The following GLIS1 variants were observed in gnomAD, a reference collection of about 807,000 sequenced individuals.
The protein encoded by GLIS1 is GLIS family zinc finger 1, also known as zinc finger protein GLIS1.
A neutral mutation model predicts 63.8 loss-of-function variants in GLIS1; 24 were observed. The observed-to-expected ratio is 0.38, with a 90% CI of 0.27 to 0.53. The LOEUF (loss-of-function observed/expected upper bound fraction) is 0.53. GLIS1 is among the 20% of genes least tolerant of loss of function. The pLI is 0.85. For synonymous variants in GLIS1, 450 were observed against 482.5 expected, an observed-to-expected ratio of 0.93 and a Z score of 0.88; for missense variants, 1,036 against 1,074.1, an observed-to-expected ratio of 0.96 and a Z score of 0.50.
At chr1:53,612,333 G>A (rs113718309) in intron 2 of GLIS1, among the ~76,000 whole-genome samples, 18 of 150,918 alleles carry the variant, frequency 1.2e-4, no homozygotes, top group Non-Finnish European at 1.8e-4. Context: ...TCCGCCTCCC[G>A]GGTTCACACC....
At chr1:53,658,309 G>A (rs1010698829) in intron 2 of GLIS1, among the ~76,000 whole-genome samples, 1 of 152,184 alleles carries the variant, frequency 6.6e-6, no homozygotes, top group Non-Finnish European at 1.5e-5. Flanking sequence ...ACTAGTCTGG[G>A]AAGCAGCTTG....
intron 2 of GLIS1, among the ~76,000 whole-genome samples, chr1:53,619,821 A>G (rs1291580797): frequency 6.6e-6 from 1 of 152,244 alleles, no homozygotes; most frequent in Non-Finnish European, 1.5e-5. Context: ...CTTGTTTTAC[A>G]TAAGAGGGAG....
intron 4 of GLIS1, among the ~76,000 whole-genome samples, chr1:53,552,689 C>G (rs531696342): frequency 6.6e-6 from 1 of 152,320 alleles, no homozygotes; most frequent in South Asian, 2.1e-4. Context: ...GATGGCTCCC[C>G]AGGGCTCCTC....
At chr1:53,702,774 T>C (rs1426337678) in intron 2 of GLIS1, among the ~76,000 whole-genome samples, 1 of 152,220 alleles carries the variant, frequency 6.6e-6, no homozygotes, top group African/African-American at 2.4e-5. Flanking sequence ...ATTCTCTGCA[T>C]GGCCATAAAA....
chr1:53,677,751 G>A (rs936756319), intron 2 of GLIS1, among the ~76,000 whole-genome samples: 3 of 152,166 alleles, frequency 2.0e-5, no homozygotes, highest in Admixed American at 6.5e-5. Context: ...GATCTGCCGT[G>A]CCTCCTCACC....
intron 2 of GLIS1, among the ~76,000 whole-genome samples, chr1:53,701,454 G>T (rs542036378): frequency 6.6e-6 from 1 of 152,174 alleles, no homozygotes. Context: ...GCCCTCCTCC[G>T]CTGTCAAAAG....
At chr1:53,671,822 GTT>G (rs1241954815) in intron 2 of GLIS1, among the ~76,000 whole-genome samples, 1 of 152,128 alleles carries the variant, frequency 6.6e-6, no homozygotes, top group Non-Finnish European at 1.5e-5. Flanking sequence ...AGGTGAAATG[GTT>G]TGCTTAAGTT....
chr1:53,525,489 G>A (rs1171109307), intron 5 of GLIS1, among the ~76,000 whole-genome samples: 4 of 127,108 alleles, frequency 3.1e-5, no homozygotes, highest in Admixed American at 1.6e-4. Context: ...GGAGTCTGGC[G>A]GGGCTGGGGG....
Position 53,642,689 on chromosome 1 carries a change from G to A in GLIS1, c.260-42411C>T, listed in dbSNP as rs750998746. ...CATGAGCTAAGCTCTCTCCTTTCTT[G>A]TGTCTTTGTGTCTGCCATTCCCTCT... On this transcript the variant is annotated intron_variant, in intron 2 of 10. Coordinates refer to ENST00000628545, the MANE Select transcript of GLIS1 (RefSeq NM_001367484.1). 5.8e-4 allele frequency among the ~76,000 whole-genome samples: 89 copies of A among 152,156 alleles called. 1 individual carries two copies. The highest frequency in any genetic ancestry group is 5.2e-4 in the Admixed American group (8 of 15,274).
At chr1:53,602,473 C>T (rs1249472720) in intron 2 of GLIS1, among the ~76,000 whole-genome samples, 1 of 152,108 alleles carries the variant, frequency 6.6e-6, no homozygotes, top group South Asian at 2.1e-4. Context: ...ACGGGGGTGC[C>T]GTTCAGAGCT....
At chr1:53,713,746 G>A (rs1431722961) in intron 2 of GLIS1, among the ~76,000 whole-genome samples, 1 of 152,234 alleles carries the variant, frequency 6.6e-6, no homozygotes, top group Non-Finnish European at 1.5e-5. Context: ...CTGGGTGATA[G>A]AGCAAGACCC....
intron 2 of GLIS1, among the ~76,000 whole-genome samples, chr1:53,701,104 G>A (rs6588486): frequency 0.25 from 38,067 of 152,014 alleles, 5,078 homozygotes; most frequent in African/African-American, 0.35. Context: ...TTTCATGTGG[G>A]CCCATGCTTT....
chr1:53,738,537 C>T lies in GLIS1; in HGVS notation c.-42-431G>A, dbSNP rs557862288. The stretch of plus-strand genomic sequence containing the variant: ...GCCCCGGAGACGGCTCCGGGTAGGT[C>T]ACGGGCTGCGCGCTTCGTCGACTCT... On this transcript the variant is annotated intron_variant, in intron 1 of 10. Transcript: ENST00000628545. Among the ~76,000 whole-genome samples, 21 of 152,230 alleles carry T rather than the reference C, an allele frequency of 1.4e-4. No individual in the cohort carries two copies. In the South Asian group the frequency reaches 1.7e-3, roughly 12 times the overall value.
intron 2 of GLIS1, among the ~76,000 whole-genome samples, chr1:53,679,747 G>A (rs1272035724): frequency 6.6e-6 from 1 of 152,084 alleles, no homozygotes; most frequent in East Asian, 1.9e-4. Context: ...GCCTTCTGGC[G>A]CTGCCGGGAG....
At chr1:53,635,228 G>T (rs1350822175) in intron 2 of GLIS1, among the ~76,000 whole-genome samples, 1 of 152,076 alleles carries the variant, frequency 6.6e-6, no homozygotes, top group Non-Finnish European at 1.5e-5. Flanking sequence ...TTAGGAAACC[G>T]ACCGTGGACT....
intron 4 of GLIS1, among the ~76,000 whole-genome samples, chr1:53,536,891 C>T (rs1303306020): frequency 6.6e-6 from 1 of 151,064 alleles, no homozygotes; most frequent in African/African-American, 2.5e-5. Flanking sequence ...ACCAGCTGAT[C>T]CACAGAACAG....
intron 7 of GLIS1, 128 bp downstream of exon 7, chr1:53,520,506 G>A (rs1448750054): frequency 1.8e-6 from 2 of 1,098,526 alleles, no homozygotes; most frequent in African/African-American, 3.2e-5. Context: ...ACCAAGTCCA[G>A]ATGAGTGAGT....
Position 53,598,068 on chromosome 1 carries a change from G to A in GLIS1, c.437+2033C>T, listed in dbSNP as rs774522582. On this transcript the variant is annotated intron_variant, in intron 3 of 10. Coordinates refer to ENST00000628545, the MANE Select transcript of GLIS1 (RefSeq NM_001367484.1). The surrounding 1 kb of genome is among the most constrained non-coding windows in gnomAD (Gnocchi z 4.6). Reference sequence around the variant, plus strand: ...ATTTGACTGTCACCAAACAATGCACGGCTCAAAAACTATAAGACGCTTGCT... The same window carrying A: ...ATTTGACTGTCACCAAACAATGCACAGCTCAAAAACTATAAGACGCTTGCT... Among the ~76,000 whole-genome samples, 8 of 152,088 alleles carry A rather than the reference G, an allele frequency of 5.3e-5. No individual in the cohort carries two copies. The highest frequency in any genetic ancestry group is 1.7e-4 in the African/African-American group (7 of 41,412).
intron 4 of GLIS1, among the ~76,000 whole-genome samples, chr1:53,581,957 A>G (rs1645089541): frequency 6.6e-6 from 1 of 152,170 alleles, no homozygotes; most frequent in South Asian, 2.1e-4. Flanking sequence ...ATGGAGTCCA[A>G]GTCTTCCATT....
Sources: allele counts gnomAD v4.1 joint callset (sites outside exome capture counted in the v4.1 genomes callset), GRCh38; gene constraint gnomAD v4.1.1; non-coding constraint Gnocchi (gnomAD v3.1); transcripts MANE v1.5; gene names NCBI Gene and HGNC (gene_info 2026-07-23, HGNC 2026-07-21).